TBC1D31: variants seen among roughly 807,000 people sequenced by gnomAD.
TBC1D31 encodes WD repeat domain 67.
Under a neutral mutation model 132.9 loss-of-function variants are expected in TBC1D31, and 99 were observed. The ratio of observed to expected loss-of-function variants is 0.74; its 90% CI spans 0.63 to 0.88. The LOEUF (loss-of-function observed/expected upper bound fraction) is 0.88. TBC1D31 is among the 40% of genes least tolerant of loss of function. The probability of loss-of-function intolerance (pLI) is 0.00; values close to 1 mark genes in which losing one functional copy is unlikely to be tolerated. For missense variants in TBC1D31, 1,134 were observed against 1,256.6 expected (o/e 0.90, Z 1.48); for synonymous variants, 385 against 419.4 (o/e 0.92, Z 1.00).
At chr8:123,089,486 G>T (rs1263153847) in intron 4 of TBC1D31, among the ~76,000 whole-genome samples, 1 of 152,174 alleles carries the variant, frequency 6.6e-6, no homozygotes, top group Admixed American at 6.5e-5. Context: ...ACTTTAACAC[G>T]CAGGCTGATT....
At position 123,147,163 on chromosome 8, in the gene TBC1D31, T is replaced by TG. The variant is rs35965867; in HGVS notation, c.2974+2309dup. On this transcript the variant is annotated intron_variant, in intron 20 of 21. Coordinates refer to ENST00000287380, the MANE Select transcript of TBC1D31 (RefSeq NM_145647.4). ...TCCCTCACCCTCTCACACTTACCCT[T>TG]GTTTTTTTTTTTGGTTGTTTGCTTT... Among the ~76,000 whole-genome samples, 1,467 of 149,510 alleles carry TG rather than the reference T, an allele frequency of 9.8e-3. 17 individuals carry two copies. The highest frequency in any genetic ancestry group is 0.035 in the African/African-American group (1,423 of 40,852).
chr8:123,115,780 G>A (rs141486495), intron 10 of TBC1D31, among the ~76,000 whole-genome samples: 130 of 152,170 alleles, frequency 8.5e-4, no homozygotes, highest in African/African-American at 2.8e-3. Context: ...CCCTCTGACC[G>A]CAACCAGGAA....
At chr8:123,115,129 T>C (rs952047026) in intron 10 of TBC1D31, among the ~76,000 whole-genome samples, 1 of 152,254 alleles carries the variant, frequency 6.6e-6, no homozygotes, top group Non-Finnish European at 1.5e-5. Context: ...AAATCATTCA[T>C]TTTTTCTTTC....
At chr8:123,164,412 G>A in the TBC1D31 span, among the ~76,000 whole-genome samples, 1 of 152,082 alleles carries the variant, frequency 6.6e-6, no homozygotes, top group African/African-American at 2.4e-5. Flanking sequence ...CAGGCCAAAG[G>A]AAAGGAAAAA....
chr8:123,143,727 C>G (rs926021622), intron 19 of TBC1D31, among the ~76,000 whole-genome samples: 11 of 152,126 alleles, frequency 7.2e-5, no homozygotes, highest in African/African-American at 2.7e-4. Context: ...GAAAGAAGGG[C>G]TTGGAGAGGG....
chr8:123,139,507 A>G (rs1821423966), intron 17 of TBC1D31, among the ~76,000 whole-genome samples: 1 of 152,206 alleles, frequency 6.6e-6, no homozygotes, highest in African/African-American at 2.4e-5. Flanking sequence ...TCTTTGAACC[A>G]GTAAGCTTCT....
chr8:123,121,022 G>C (rs1218672182), intron 11 of TBC1D31, among the ~76,000 whole-genome samples: 1 of 145,520 alleles, frequency 6.9e-6, no homozygotes, highest in Non-Finnish European at 1.5e-5. Context: ...GAGTGCAGTA[G>C]TGCTCACTGC....
In TBC1D31 at chr8:123,130,276, T is replaced by G; in HGVS notation, c.2349T>G (p.Leu783=). 6.2e-7 allele frequency: 1 copy of G among 1,613,126 alleles called. No homozygotes were observed. Among genetic ancestry groups the G allele is most frequent in the Non-Finnish European group, 8.5e-7 (1 of 1,179,484 alleles). The change falls in exon 16 of 22, where the codon CTT becomes CTG. Residue 783 remains leucine (L), a synonymous_variant. Coordinates refer to ENST00000287380, the MANE Select transcript of TBC1D31 (RefSeq NM_145647.4). ...QDAARRRFLK[L]QQDQQEMELR... is the part of the protein sequence containing the mutation. ...CTGCAAGAAGGCGTTTTCTGAAGCTTCAGCAAGATCAACAGGAAATGGAAC... is the reference window on the plus strand; with the variant it reads ...CTGCAAGAAGGCGTTTTCTGAAGCTGCAGCAAGATCAACAGGAAATGGAAC...
chr8:123,076,302 G>T (rs1814502774), intron 1 of TBC1D31, among the ~76,000 whole-genome samples: 1 of 150,184 alleles, frequency 6.7e-6, no homozygotes, highest in Non-Finnish European at 1.5e-5. Flanking sequence ...GTTTGGTTTT[G>T]ATTTTTCTTC....
At position 123,151,946 on chromosome 8, in the gene TBC1D31, T is replaced by A. The variant is rs532754521; in HGVS notation, c.*7T>A. On this transcript the variant is annotated 3_prime_UTR_variant, in exon 22 of 22. Transcript: ENST00000287380. ...TCATCTTTTGGCTGCATAGAATGCA[T>A]GTCACCTTGAGACGGTCGAGAGAGA... The A allele has an allele frequency of 9.9e-6, 15 of 1,522,102 alleles. No homozygotes were observed. The East Asian group carries it at 2.6e-4, about 27-fold the overall frequency. The allele number at this position is 1,522,102 out of a possible 1,614,324, so 94.3% of individuals were successfully genotyped here.
At chr8:123,144,626 G>A (rs1338139081) in intron 19 of TBC1D31, 91 bp from the exon 20 acceptor site, 1 of 1,234,852 alleles carries the variant, frequency 8.1e-7, no homozygotes, top group Non-Finnish European at 1.1e-6. Flanking sequence ...AAAGGAAAGT[G>A]GATAGAGAAG....
At chr8:123,075,255 G>C (rs1293775836) in intron 1 of TBC1D31, among the ~76,000 whole-genome samples, 2 of 152,122 alleles carry the variant, frequency 1.3e-5, no homozygotes. Context: ...TTGGGGACTA[G>C]ATAAAAATAA....
rs761370465 is a variant in TBC1D31 at position 123,100,913 on chromosome 8, C to A, written c.938C>A (p.Ala313Glu). Reference sequence around the variant, plus strand: ...CTCGATGAAGGAATTAGCTCATCAGCAATTAGCCCACATGGACGGTACATT... The same window carrying A: ...CTCGATGAAGGAATTAGCTCATCAGAAATTAGCCCACATGGACGGTACATT... ...GSLDEGISSS[A>E]ISPHGRYIAS... Residue 313 changes from alanine (A) to glutamate (E), a missense_variant, in exon 7 of 22, where the codon GCA becomes GAA. Ala to Glu is a moderately radical substitution (Grantham distance 107, BLOSUM62 -1). Coordinates refer to ENST00000287380, the MANE Select transcript of TBC1D31 (RefSeq NM_145647.4). The A allele has an allele frequency of 8.1e-6, 13 of 1,613,794 alleles. No individual in the cohort carries two copies. The South Asian group carries it at 1.4e-4, about 18-fold the overall frequency.
At chr8:123,125,909 A>C (rs1268021763) in intron 11 of TBC1D31, 147 bp from the exon 12 acceptor site, 2 of 587,636 alleles carry the variant, frequency 3.4e-6, no homozygotes, top group Non-Finnish European at 5.0e-6. Flanking sequence ...GGATTTTAAA[A>C]TCGATTGTCA....
chr8:123,127,261 ATTTT>A (rs35198781), intron 13 of TBC1D31, among the ~76,000 whole-genome samples: 31 of 69,910 alleles, frequency 4.4e-4, no homozygotes, highest in African/African-American at 1.8e-3. Context: ...TGCTTTTTGC[ATTTT>A]TTTTTTTTTT....
At chr8:123,108,581 G>T (rs1044126691) in intron 8 of TBC1D31, among the ~76,000 whole-genome samples, 3 of 152,032 alleles carry the variant, frequency 2.0e-5, no homozygotes, top group Non-Finnish European at 4.4e-5. Context: ...GGCCTAATTC[G>T]GCTATTCAAG....
chr8:123,125,289 G>A (rs890837561), intron 11 of TBC1D31, among the ~76,000 whole-genome samples: 16 of 152,130 alleles, frequency 1.1e-4, no homozygotes, highest in African/African-American at 2.9e-4. Context: ...TCTGTGGGTC[G>A]TTCTACTGAT....
chr8:123,087,920 C>T (rs779359968), intron 4 of TBC1D31, among the ~76,000 whole-genome samples: 16 of 152,356 alleles, frequency 1.1e-4, no homozygotes, highest in Admixed American at 2.6e-4. Flanking sequence ...CGGGGGCTTA[C>T]GCCTGTAATC....
chr8:123,142,604 G>A, intron 19 of TBC1D31, 148 bp downstream of exon 19: 2 of 573,396 alleles, frequency 3.5e-6, no homozygotes, highest in South Asian at 3.4e-5. Context: ...AAAGTGCTGG[G>A]ATTACAGACG....
Sources: allele counts gnomAD v4.1 joint callset (sites outside exome capture counted in the v4.1 genomes callset), GRCh38; gene constraint gnomAD v4.1.1; transcripts MANE v1.5; gene names NCBI Gene and HGNC (gene_info 2026-07-23, HGNC 2026-07-21).